The following CFAP299 variants were observed in gnomAD, a reference collection of about 807,000 sequenced individuals.
CFAP299 encodes cilia and flagella associated protein 299, also known as cilia- and flagella-associated protein 299.
CFAP299 carries 21 observed loss-of-function variants against 27.0 expected under a neutral mutation model. The observed-to-expected ratio is 0.78, with a 90% CI of 0.55 to 1.12. The LOEUF is 1.12. Among genes scored for constraint, CFAP299 ranks in the 50% most tolerant of loss-of-function variants. CFAP299 has a pLI of 0.00. For synonymous variants in CFAP299, 104 were observed against 98.1 expected, an observed-to-expected ratio of 1.06 and a Z score of -0.36; for missense variants, 310 against 276.6, an observed-to-expected ratio of 1.12 and a Z score of -0.86.
At chr4:80,825,100 G>A (rs1729913807) in intron 3 of CFAP299, among the ~76,000 whole-genome samples, 1 of 151,812 alleles carries the variant, frequency 6.6e-6, no homozygotes, top group South Asian at 2.1e-4. Flanking sequence ...AAGATGTTCT[G>A]CAGCTAAAAA....
intron 3 of CFAP299, among the ~76,000 whole-genome samples, chr4:80,771,367 A>T (rs1162965872): frequency 6.6e-6 from 1 of 152,182 alleles, no homozygotes; most frequent in African/African-American, 2.4e-5. Context: ...AAATATAGAT[A>T]TTTGGTACAG....
intron 4 of CFAP299, among the ~76,000 whole-genome samples, chr4:80,928,725 T>C (rs1404156485): frequency 6.6e-6 from 1 of 152,122 alleles, no homozygotes; most frequent in Non-Finnish European, 1.5e-5. Context: ...AGATTACTTA[T>C]CCATAAAATC....
chr4:80,900,425 G>A (rs1000879112), intron 4 of CFAP299, among the ~76,000 whole-genome samples: 11 of 152,056 alleles, frequency 7.2e-5, no homozygotes, highest in African/African-American at 2.2e-4. Flanking sequence ...AGAACGTGGG[G>A]AAAATATCAG....
chr4:80,497,039 T>C (rs1315922876), intron 2 of CFAP299, among the ~76,000 whole-genome samples: 2 of 152,116 alleles, frequency 1.3e-5, no homozygotes, highest in African/African-American at 4.8e-5. Flanking sequence ...CATAATCCAG[T>C]CACCTCCCAC....
chr4:80,956,302 T>C (rs1331406564), intron 5 of CFAP299, among the ~76,000 whole-genome samples: 1 of 152,206 alleles, frequency 6.6e-6, no homozygotes, highest in Non-Finnish European at 1.5e-5. Flanking sequence ...TCCCATGCCC[T>C]ATTTATTTTG....
intron 2 of CFAP299, among the ~76,000 whole-genome samples, chr4:80,453,303 C>G (rs553803894): frequency 6.6e-6 from 1 of 151,988 alleles, no homozygotes; most frequent in African/African-American, 2.4e-5. Flanking sequence ...TAATAAGCAA[C>G]AGAGTTTTCT....
intron 4 of CFAP299, 46 bp downstream of exon 4, chr4:80,870,181 CTT>C: frequency 6.5e-7 from 1 of 1,546,480 alleles, no homozygotes; most frequent in Non-Finnish European, 8.7e-7. Flanking sequence ...GGGACAAAGA[CTT>C]TTTATTTTAT....
intron 4 of CFAP299, among the ~76,000 whole-genome samples, chr4:80,909,647 A>G (rs1002317180): frequency 1.4e-4 from 21 of 152,010 alleles, no homozygotes; most frequent in African/African-American, 4.8e-4. Context: ...AGTTTTCTTC[A>G]TAATGACTTC....
intron 3 of CFAP299, among the ~76,000 whole-genome samples, chr4:80,708,907 T>C (rs1215442345): frequency 2.0e-5 from 3 of 152,154 alleles, no homozygotes; most frequent in Non-Finnish European, 2.9e-5. Context: ...AAGAAGAACA[T>C]ATTTAAAGAT....
intron 2 of CFAP299, among the ~76,000 whole-genome samples, chr4:80,541,613 A>G (rs563652338): frequency 3.3e-5 from 5 of 152,264 alleles, no homozygotes; most frequent in South Asian, 2.1e-4. Flanking sequence ...CTTTAGTCCT[A>G]TCTGAGTAAC....
chr4:80,961,940 T>C (rs1350263250), intron 5 of CFAP299, among the ~76,000 whole-genome samples: 1 of 151,896 alleles, frequency 6.6e-6, no homozygotes, highest in Non-Finnish European at 1.5e-5. Context: ...CTGTCACCAG[T>C]AGGAAATAAT....
chr4:80,629,910 A>T (rs1305060265), intron 3 of CFAP299, among the ~76,000 whole-genome samples: 2 of 151,898 alleles, frequency 1.3e-5, no homozygotes, highest in South Asian at 2.1e-4. Flanking sequence ...AAACCCAGAA[A>T]AATTTATTTA....
At chr4:80,713,074 A>G (rs1186480387) in intron 3 of CFAP299, among the ~76,000 whole-genome samples, 1 of 152,142 alleles carries the variant, frequency 6.6e-6, no homozygotes, top group Non-Finnish European at 1.5e-5. Context: ...CTAACCATTC[A>G]AGGGTATGTA....
intron 3 of CFAP299, among the ~76,000 whole-genome samples, chr4:80,694,830 A>G (rs1720986168): frequency 6.6e-6 from 1 of 152,194 alleles, no homozygotes; most frequent in Non-Finnish European, 1.5e-5. Context: ...CTTTGAAAAA[A>G]TTACTGTGAT....
intron 2 of CFAP299, among the ~76,000 whole-genome samples, chr4:80,520,639 CCTTGATTGTTTCTCTCT>C (rs1318805635): frequency 2.0e-5 from 3 of 152,112 alleles, no homozygotes; most frequent in African/African-American, 4.8e-5. Flanking sequence ...TGAGATGAAA[CCTTGATTGTTTCTCTCT>C]CTTCACGCAT....
Position 80,338,981 on chromosome 4 carries a change from G to A in CFAP299, c.111+3102G>A, listed in dbSNP as rs188683993. 6.2e-3 allele frequency among the ~76,000 whole-genome samples: 950 copies of A among 152,330 alleles called. 2 individuals are homozygous for A. Among genetic ancestry groups the A allele is most frequent in the Middle Eastern group, 0.024 (7 of 294 alleles). ...TGACCTTCACAGTCATTAATCAGGA[G>A]CTTTTGGCTTTGGGTTGGTTTCAGC... On this transcript the variant is annotated intron_variant, in intron 1 of 5. Coordinates refer to ENST00000358105, the MANE Select transcript of CFAP299 (RefSeq NM_152770.3).
intron 5 of CFAP299, among the ~76,000 whole-genome samples, chr4:80,949,123 G>A (rs1225981965): frequency 6.6e-6 from 1 of 152,094 alleles, no homozygotes; most frequent in Non-Finnish European, 1.5e-5. Context: ...TTTGATTTAT[G>A]AACAGACTTC....
rs1578180735 is a variant in CFAP299 at position 80,849,721 on chromosome 4, T to C, written c.334-20272T>C. Among the ~76,000 whole-genome samples, 7 of 151,424 alleles carry C rather than the reference T, an allele frequency of 4.6e-5. No homozygotes were observed. In the South Asian group the frequency reaches 1.5e-3, roughly 32 times the overall value. ...TGTGGTTACCAGAGGCTAGGGAGGGTAGAGGGAGGGAGAAATGGTGAGAGG... is the reference window on the plus strand; with the variant it reads ...TGTGGTTACCAGAGGCTAGGGAGGGCAGAGGGAGGGAGAAATGGTGAGAGG... On this transcript the variant is annotated intron_variant, in intron 3 of 5. Coordinates refer to ENST00000358105, the MANE Select transcript of CFAP299 (RefSeq NM_152770.3).
At chr4:80,324,097 A>ACATGCATT in the CFAP299 span, among the ~76,000 whole-genome samples, 41 of 152,212 alleles carry the variant, frequency 2.7e-4, no homozygotes, top group African/African-American at 9.9e-4. Flanking sequence ...TTTAAGCCCC[A>ACATGCATT]CATGCATTAG....
Sources: allele counts gnomAD v4.1 joint callset (sites outside exome capture counted in the v4.1 genomes callset), GRCh38; gene constraint gnomAD v4.1.1; transcripts MANE v1.5; gene names NCBI Gene and HGNC (gene_info 2026-07-23, HGNC 2026-07-21).